KCNB2: variants seen among roughly 807,000 people sequenced by gnomAD.
KCNB2 encodes potassium voltage-gated channel subfamily B member 2, also known as delayed rectifier potassium channel protein.
In KCNB2, 15 loss-of-function variants were observed where a neutral mutation model predicts 61.5. That is an observed-to-expected ratio of 0.24 (90% CI 0.16 to 0.38). The LOEUF (loss-of-function observed/expected upper bound fraction) is 0.38. KCNB2 is among the 10% of genes least tolerant of loss of function. The pLI, the probability that KCNB2 is intolerant of heterozygous loss-of-function variation, is 1.00. For missense variants in KCNB2, 828 were observed against 1,125.2 expected (o/e 0.74, Z 3.78); for synonymous variants, 457 against 446.0 (o/e 1.02, Z -0.31).
At chr8:72,651,812 A>G in intron 2 of KCNB2, among the ~76,000 whole-genome samples, 1 of 152,184 alleles carries the variant, frequency 6.6e-6, no homozygotes, top group East Asian at 1.9e-4. Flanking sequence ...ATCAGAAATT[A>G]ACCCCTAATT....
rs1273535594 is a variant in KCNB2 at position 72,561,725 on chromosome 8, A to ATC, written c.-93-5916_-93-5915insCT. On this transcript the variant is annotated intron_variant, in intron 1 of 2. Transcript: ENST00000523207. ...TATATATATATATATATATATATATATATCTATATCTATATATATATGTAT... is the reference window on the plus strand; with the variant it reads ...TATATATATATATATATATATATATATCTATCTATATCTATATATATATGTAT... Among the ~76,000 whole-genome samples the ATC allele has an allele frequency of 2.3e-3, 66 of 28,326 alleles. 5 individuals carry two copies. Among genetic ancestry groups the ATC allele is most frequent in the African/African-American group, 0.014 (63 of 4,646 alleles). 18.6% of individuals were successfully genotyped at this position (28,326 alleles called of 152,430 possible).
chr8:72,623,807 A>G (rs1334441865), intron 2 of KCNB2, among the ~76,000 whole-genome samples: 1 of 152,224 alleles, frequency 6.6e-6, no homozygotes, highest in African/African-American at 2.4e-5. Flanking sequence ...AGATGGATTT[A>G]TAAAGAAGTT....
Position 72,881,854 on chromosome 8 carries a change from T to G in KCNB2, c.580-54081T>G, listed in dbSNP as rs1805712196. On this transcript the variant is annotated intron_variant, in intron 2 of 2. Transcript: ENST00000523207. The stretch of plus-strand genomic sequence containing the variant: ...GAGGTCCTAGCCGTAGCATCCACCT[T>G]CTGCTGCGGCCAGAAAAGAGCCAGT... The G allele has an allele frequency of 2.6e-5, 4 of 152,054 alleles. No homozygotes were observed. The South Asian group carries it at 8.3e-4, about 32-fold the overall frequency. The allele number at this position is 152,054 out of a possible 1,614,324, so 9.4% of individuals were successfully genotyped here. A position where few individuals can be genotyped will look rare whatever the true frequency, so the allele number is the denominator to read the frequency against.
intron 2 of KCNB2, among the ~76,000 whole-genome samples, chr8:72,909,619 G>A (rs1432375337): frequency 6.6e-6 from 1 of 152,138 alleles, no homozygotes; most frequent in Non-Finnish European, 1.5e-5. Flanking sequence ...CAAGAAATGG[G>A]AGGAAAGACA....
intron 2 of KCNB2, among the ~76,000 whole-genome samples, chr8:72,930,583 C>T (rs1389025046): frequency 6.6e-6 from 1 of 152,220 alleles, no homozygotes; most frequent in Non-Finnish European, 1.5e-5. Flanking sequence ...CTGTTGGCTG[C>T]ATAAATGTCT....
intron 2 of KCNB2, among the ~76,000 whole-genome samples, chr8:72,642,846 T>C (rs1384999826): frequency 6.6e-6 from 1 of 152,174 alleles, no homozygotes; most frequent in Admixed American, 6.6e-5. Context: ...GAGACATATT[T>C]TGTAGCACTT....
intron 2 of KCNB2, among the ~76,000 whole-genome samples, chr8:72,717,526 G>A (rs530087730): frequency 1.2e-4 from 18 of 152,270 alleles, no homozygotes; most frequent in Non-Finnish European, 1.5e-4. Context: ...ACAAGTATTC[G>A]ATCTTTGACA....
At chr8:72,609,303 C>T (rs1027595828) in intron 2 of KCNB2, among the ~76,000 whole-genome samples, 1 of 152,190 alleles carries the variant, frequency 6.6e-6, no homozygotes, top group Non-Finnish European at 1.5e-5. Context: ...TGATTATTTG[C>T]TTTCAAAACT....
At chr8:72,893,638 T>C (rs964473908) in intron 2 of KCNB2, among the ~76,000 whole-genome samples, 1 of 152,222 alleles carries the variant, frequency 6.6e-6, no homozygotes, top group African/African-American at 2.4e-5. Context: ...ATCCCATCTT[T>C]TTTTGGCCCC....
intron 2 of KCNB2, among the ~76,000 whole-genome samples, chr8:72,809,769 T>G (rs2129000368): frequency 6.6e-6 from 1 of 152,298 alleles, no homozygotes; most frequent in Middle Eastern, 3.4e-3. Context: ...CACCTTAAAA[T>G]TTAGAAACAA....
intron 2 of KCNB2, among the ~76,000 whole-genome samples, chr8:72,853,058 C>T (rs1810146884): frequency 6.6e-6 from 1 of 152,168 alleles, no homozygotes; most frequent in African/African-American, 2.4e-5. Flanking sequence ...GATTTGCAAT[C>T]AGTAGGTTTG....
intron 2 of KCNB2, among the ~76,000 whole-genome samples, chr8:72,690,661 C>G (rs959638761): frequency 2.0e-5 from 3 of 152,138 alleles, no homozygotes; most frequent in African/African-American, 7.2e-5. Context: ...CAACTTACCA[C>G]AAAAATTTAT....
chr8:72,687,953 G>GCC (rs771051755), intron 2 of KCNB2, among the ~76,000 whole-genome samples: 1 of 152,174 alleles, frequency 6.6e-6, no homozygotes, highest in Non-Finnish European at 1.5e-5. Flanking sequence ...GGGCTATGGA[G>GCC]CACAGTTCAG....
intron 2 of KCNB2, among the ~76,000 whole-genome samples, chr8:72,580,445 A>C (rs564801030): frequency 6.6e-6 from 1 of 152,034 alleles, no homozygotes; most frequent in East Asian, 1.9e-4. Context: ...CTTTCCTATC[A>C]TTGTCCAATA....
chr8:72,655,500 A>G (rs977510053), intron 2 of KCNB2, among the ~76,000 whole-genome samples: 3 of 152,154 alleles, frequency 2.0e-5, no homozygotes, highest in African/African-American at 7.2e-5. Context: ...AAGGGATTCA[A>G]TGTCTATATG....
chr8:72,818,422 C>T lies in KCNB2; in HGVS notation c.580-117513C>T, dbSNP rs144687663. Among the ~76,000 whole-genome samples, 1,148 of 152,238 alleles carry T rather than the reference C, an allele frequency of 7.5e-3. 12 individuals carry two copies. Among genetic ancestry groups the T allele is most frequent in the African/African-American group, 0.026 (1,082 of 41,540 alleles). On this transcript the variant is annotated intron_variant, in intron 2 of 2. Transcript: ENST00000523207. ...GAAGACCAATACAACCTTAGTTCCA[C>T]CATTAACTTGATCTGTGACCTTGAG... is the stretch of plus-strand genomic sequence containing the variant.
intron 2 of KCNB2, among the ~76,000 whole-genome samples, chr8:72,841,361 CTTTTTTT>C (rs796222096): frequency 1.1e-4 from 7 of 66,192 alleles, no homozygotes; most frequent in Non-Finnish European, 1.6e-4. Context: ...GTTTTCTTTT[CTTTTTTT>C]TTTCTTTTTT....
At chr8:72,919,181 A>G (rs1806454511) in intron 2 of KCNB2, among the ~76,000 whole-genome samples, 2 of 152,194 alleles carry the variant, frequency 1.3e-5, no homozygotes, top group Non-Finnish European at 2.9e-5. Context: ...AGGTGTTTCT[A>G]TGAGAATTTT....
chr8:72,561,725 A>ATATGTG (rs1806523781), intron 1 of KCNB2, among the ~76,000 whole-genome samples: 12 of 28,326 alleles, frequency 4.2e-4, no homozygotes, highest in Admixed American at 1.5e-3. Flanking sequence ...ATATATATAT[A>ATATGTG]TATCTATATC....
Sources: allele counts gnomAD v4.1 joint callset (sites outside exome capture counted in the v4.1 genomes callset), GRCh38; gene constraint gnomAD v4.1.1; transcripts MANE v1.5; gene names NCBI Gene and HGNC (gene_info 2026-07-23, HGNC 2026-07-21).